The following MTFR1 variants were observed in gnomAD, a reference collection of about 807,000 sequenced individuals.
The protein encoded by MTFR1 is chondrocyte protein with a poly-proline region.
MTFR1 carries 28 observed loss-of-function variants against 38.8 expected under a neutral mutation model. The ratio of observed to expected loss-of-function variants is 0.72; its 90% CI spans 0.53 to 0.99. MTFR1 has a LOEUF of 0.99. MTFR1 is among the 50% of genes least tolerant of loss of function. MTFR1 has a pLI of 0.00. For missense variants in MTFR1, 358 were observed against 395.5 expected, an observed-to-expected ratio of 0.91 and a Z score of 0.81; for synonymous variants, 145 against 137.0, an observed-to-expected ratio of 1.06 and a Z score of -0.41.
intron 4 of MTFR1, among the ~76,000 whole-genome samples, chr8:65,701,269 C>T (rs1805606031): frequency 1.3e-5 from 2 of 152,148 alleles, no homozygotes; most frequent in South Asian, 4.1e-4. Context: ...TTGTTTGAGA[C>T]CTGTCTCAGA....
chr8:65,694,019 C>T (rs924811852), intron 4 of MTFR1, among the ~76,000 whole-genome samples: 1 of 151,388 alleles, frequency 6.6e-6, no homozygotes, highest in Non-Finnish European at 1.5e-5. Context: ...TCTCCCACCT[C>T]AGCCTCCCAA....
chr8:65,702,829 T>C (rs982468201), intron 4 of MTFR1, among the ~76,000 whole-genome samples: 2 of 151,944 alleles, frequency 1.3e-5, no homozygotes, highest in Non-Finnish European at 2.9e-5. Context: ...GGTGAGGAGC[T>C]AAAAAGGCCT....
chr8:65,698,885 C>T (rs188519750), intron 4 of MTFR1, among the ~76,000 whole-genome samples: 14 of 152,238 alleles, frequency 9.2e-5, no homozygotes, highest in Admixed American at 2.0e-4. Flanking sequence ...TGCACGACCA[C>T]GCCCACCTAA....
In MTFR1 at chr8:65,708,983, C is replaced by A; in HGVS notation, c.941C>A (p.Pro314Gln). 6.8e-6 allele frequency: 11 copies of A among 1,613,776 alleles called. No individual in the cohort carries two copies. Among genetic ancestry groups the A allele is most frequent in the Non-Finnish European group, 9.3e-6 (11 of 1,179,764 alleles). ...EATSERVLFGPHMLKPTGKMK... is the reference protein window; with the variant it reads ...EATSERVLFGQHMLKPTGKMK... ...CTTTTTGTTTGTTTCTAGTTTGGGC[C>A]ACACATGTTGAAGCCAACAGGAAAA... The change falls in exon 8 of 8, where the codon CCA becomes CAA. Residue 314 changes from proline (P) to glutamine (Q), a missense_variant. By Grantham distance (76) the Pro-to-Gln change is moderately conservative (BLOSUM62 -1). Transcript: ENST00000262146.
chr8:65,682,305 G>T (rs1248960221), intron 2 of MTFR1, 48 bp from the exon 3 acceptor site: 2 of 965,040 alleles, frequency 2.1e-6, no homozygotes, highest in Admixed American at 2.2e-5. Context: ...TGTCTTAACA[G>T]TTCTGTACAT....
chr8:65,704,596 G>A, intron 4 of MTFR1, 98 bp from the exon 5 acceptor site: 1 of 916,070 alleles, frequency 1.1e-6, no homozygotes, highest in South Asian at 1.6e-5. Flanking sequence ...CCTGAAAAGA[G>A]GTTCTTGGGT....
At chr8:65,729,576 A>G (rs1806754505) in intron 3 of MTFR1, among the ~76,000 whole-genome samples, 1 of 151,696 alleles carries the variant, frequency 6.6e-6, no homozygotes, top group Non-Finnish European at 1.5e-5. Context: ...AACAGATTCT[A>G]TTTTTTTGTG....
chr8:65,761,879 G>C (rs983183839), intron 3 of MTFR1, among the ~76,000 whole-genome samples: 5 of 152,124 alleles, frequency 3.3e-5, no homozygotes, highest in Non-Finnish European at 7.4e-5. Flanking sequence ...AACACAACTG[G>C]AGCAGTATTA....
chr8:65,735,633 G>A (rs1330422845), intron 3 of MTFR1, among the ~76,000 whole-genome samples: 8 of 151,548 alleles, frequency 5.3e-5, no homozygotes, highest in African/African-American at 1.9e-4. Flanking sequence ...TTTGTATGTG[G>A]TTATTTTTGA....
intron 1 of MTFR1, among the ~76,000 whole-genome samples, chr8:65,647,929 T>G (rs2129046636): frequency 6.6e-6 from 1 of 152,338 alleles, no homozygotes; most frequent in South Asian, 2.1e-4. Flanking sequence ...TTTTATTTTC[T>G]GTTTGTATTT....
intron 1 of MTFR1, among the ~76,000 whole-genome samples, chr8:65,652,158 G>C (rs75930767): frequency 0.041 from 6,160 of 152,036 alleles, 429 homozygotes; most frequent in African/African-American, 0.14. Flanking sequence ...GGAGTCTGGG[G>C]TGCAGTGGTG....
At position 65,707,239 on chromosome 8, in the gene MTFR1, A is replaced by G; in HGVS notation, c.747A>G (p.Lys249=). 1.9e-6 allele frequency: 3 copies of G among 1,614,044 alleles called. No individual in the cohort carries two copies. The highest frequency in any genetic ancestry group is 2.5e-6 in the Non-Finnish European group (3 of 1,179,968). The change falls in exon 6 of 8, where the codon AAA becomes AAG. Residue 249 remains lysine, a synonymous_variant. Transcript: ENST00000262146. ...TCCTTAAAGAGATGAACAGTGTAAAACTTCGGTCAGTGAAGAGGTGAGGAT... is the reference window on the plus strand; with the variant it reads ...TCCTTAAAGAGATGAACAGTGTAAAGCTTCGGTCAGTGAAGAGGTGAGGAT... ...LEILKEMNSV[K]LRSVKRSEQD...
At chr8:65,754,084 A>G (rs1329614252) in intron 3 of MTFR1, among the ~76,000 whole-genome samples, 1 of 152,120 alleles carries the variant, frequency 6.6e-6, no homozygotes. Flanking sequence ...GGAGCAAGGA[A>G]AGCAAGTCTG....
At chr8:65,777,991 T>C in the MTFR1 span, among the ~76,000 whole-genome samples, 31 of 152,352 alleles carry the variant, frequency 2.0e-4, no homozygotes, top group African/African-American at 7.2e-4. Flanking sequence ...AGACTGCTCC[T>C]GCTACATTTT....
chr8:65,646,959 A>G (rs578108227), intron 1 of MTFR1, among the ~76,000 whole-genome samples: 7 of 152,366 alleles, frequency 4.6e-5, no homozygotes, highest in Admixed American at 3.9e-4. Flanking sequence ...GAGAAGGACT[A>G]TTAGCTTGGA....
At position 65,666,265 on chromosome 8, in the gene MTFR1, G is replaced by A. The variant is rs555793729; in HGVS notation, c.-80-3608G>A. ...CTACTAAAAATACAATAATTAGCTG[G>A]GTGTGGTGGCGCATGCCTGTAATCC... On this transcript the variant is annotated intron_variant, in intron 1 of 7. Coordinates refer to ENST00000262146, the MANE Select transcript of MTFR1 (RefSeq NM_014637.4). Among the ~76,000 whole-genome samples, 4 of 151,358 alleles carry A rather than the reference G, an allele frequency of 2.6e-5. No homozygotes were observed. In the East Asian group the frequency reaches 7.7e-4, roughly 29 times the overall value.
downstream of MTFR1, among the ~76,000 whole-genome samples, chr8:65,713,373 G>A (rs1299055674): frequency 6.6e-6 from 1 of 151,398 alleles, no homozygotes; most frequent in South Asian, 2.1e-4. Context: ...CCTGGAAGGT[G>A]GAGGTTGCAG....
upstream of MTFR1, among the ~76,000 whole-genome samples, chr8:65,644,235 A>G (rs906618117): frequency 6.6e-6 from 1 of 152,166 alleles, no homozygotes; most frequent in African/African-American, 2.4e-5. Flanking sequence ...GGTAAAGTAA[A>G]ATACTTATCC....
At position 65,671,537 on chromosome 8, in the gene MTFR1, C is replaced by CT. The variant is rs1257847608; in HGVS notation, c.66+1522dup. 4.2e-5 allele frequency among the ~76,000 whole-genome samples: 5 copies of CT among 119,748 alleles called. No individual in the cohort carries two copies. The East Asian group carries it at 1.4e-3, about 33-fold the overall frequency. The allele number at this position is 119,748 out of a possible 152,430, so 78.6% of individuals were successfully genotyped here. On this transcript the variant is annotated intron_variant, in intron 2 of 7. Coordinates refer to ENST00000262146, the MANE Select transcript of MTFR1 (RefSeq NM_014637.4). ...GCAATAGAATAGAGCAAGACCCTAT[C>CT]TTTAAAAAAAAAAAAAAAAAAAAGA...
Sources: allele counts gnomAD v4.1 joint callset (sites outside exome capture counted in the v4.1 genomes callset), GRCh38; gene constraint gnomAD v4.1.1; transcripts MANE v1.5; gene names NCBI Gene and HGNC (gene_info 2026-07-23, HGNC 2026-07-21).